The following PACS1 variants were observed in gnomAD, a reference collection of about 807,000 sequenced individuals.
PACS1 encodes phosphofurin acidic cluster sorting protein 1.
PACS1 carries 24 observed loss-of-function variants against 115.0 expected under a neutral mutation model. The observed-to-expected ratio is 0.21, with a 90% CI of 0.15 to 0.29. The LOEUF (loss-of-function observed/expected upper bound fraction) is 0.29, where lower values mean the gene tolerates loss of function less well. PACS1 is among the 10% of genes least tolerant of loss of function. PACS1 has a pLI of 1.00. For synonymous variants in PACS1, 453 were observed against 504.5 expected, an observed-to-expected ratio of 0.90 and a Z score of 1.37; for missense variants, 838 against 1,251.2, an observed-to-expected ratio of 0.67 and a Z score of 4.98.
chr11:66,214,137 A>G (rs2134705961), intron 4 of PACS1, among the ~76,000 whole-genome samples: 1 of 152,128 alleles, frequency 6.6e-6, no homozygotes. Flanking sequence ...CCTAACAGGA[A>G]GAAGAAAGCA....
intron 1 of PACS1, among the ~76,000 whole-genome samples, chr11:66,072,007 T>G (rs889472480): frequency 3.9e-5 from 6 of 152,216 alleles, no homozygotes; most frequent in Admixed American, 3.9e-4. Flanking sequence ...TCTCCCCTCT[T>G]CCTTCTACAA....
intron 1 of PACS1, among the ~76,000 whole-genome samples, chr11:66,178,766 T>C (rs562912603): frequency 6.6e-6 from 1 of 152,278 alleles, no homozygotes; most frequent in African/African-American, 2.4e-5. Context: ...AGTTCTCACA[T>C]CTCTTTCTGC....
Position 66,233,170 on chromosome 11 carries a change from C to A in PACS1, c.1838+104C>A. ...GATAGACCCTCCTGGCCTCATCAGACCAAGAATTTGCAGAGGGGCGTATGT... is the reference window on the plus strand; with the variant it reads ...GATAGACCCTCCTGGCCTCATCAGAACAAGAATTTGCAGAGGGGCGTATGT... On this transcript the variant is annotated intron_variant, in intron 15 of 23. Transcript: ENST00000320580. The surrounding 1 kb of genome is among the most constrained non-coding windows in gnomAD (Gnocchi z 4.5). 1 of 850,736 alleles carries A rather than the reference C, an allele frequency of 1.2e-6. No individual in the cohort carries two copies. 52.7% of individuals were successfully genotyped at this position (850,736 alleles called of 1,614,324 possible).
At chr11:66,091,149 T>C (rs1857652657) in intron 1 of PACS1, among the ~76,000 whole-genome samples, 1 of 152,184 alleles carries the variant, frequency 6.6e-6, no homozygotes, top group African/African-American at 2.4e-5. Context: ...TTGTTTTACT[T>C]ATTTATTTTT....
chr11:66,235,607 C>T lies in PACS1; in HGVS notation c.2207+204C>T. Reference sequence around the variant, plus strand: ...CCCACCCATAGGAGCCTGAGTTCATCAGTTTCCTTTCCTGCCCTTCAGTAT... The same window carrying T: ...CCCACCCATAGGAGCCTGAGTTCATTAGTTTCCTTTCCTGCCCTTCAGTAT... On this transcript the variant is annotated intron_variant, in intron 18 of 23. Coordinates refer to ENST00000320580, the MANE Select transcript of PACS1 (RefSeq NM_018026.4). This position sits in a 1 kb window ranked among gnomAD's most constrained non-coding sequence, Gnocchi z 5.6. 1.7e-6 allele frequency: 1 copy of T among 603,484 alleles called. No homozygotes were observed. The highest frequency in any genetic ancestry group is 2.0e-5 in the South Asian group (1 of 49,970). The allele number at this position is 603,484 out of a possible 1,614,324, so 37.4% of individuals were successfully genotyped here.
intron 2 of PACS1, among the ~76,000 whole-genome samples, chr11:66,199,773 A>G (rs930388122): frequency 2.0e-5 from 3 of 152,122 alleles, no homozygotes; most frequent in Admixed American, 1.3e-4. Flanking sequence ...TAATCCCAGC[A>G]CTTTGGGAGC....
At chr11:66,179,736 G>A (rs1450974223) in intron 1 of PACS1, among the ~76,000 whole-genome samples, 1 of 152,172 alleles carries the variant, frequency 6.6e-6, no homozygotes, top group Non-Finnish European at 1.5e-5. Context: ...GTATAAAGGG[G>A]CTTGAAATTA....
At chr11:66,140,140 G>A (rs1447310605) in intron 1 of PACS1, among the ~76,000 whole-genome samples, 3 of 152,152 alleles carry the variant, frequency 2.0e-5, no homozygotes, top group Non-Finnish European at 2.9e-5. Context: ...ACTCTAATGC[G>A]GGTAAGAATG....
intron 1 of PACS1, among the ~76,000 whole-genome samples, chr11:66,149,376 G>A (rs1255175271): frequency 2.6e-5 from 4 of 152,034 alleles, no homozygotes; most frequent in Admixed American, 2.6e-4. Flanking sequence ...ACAGGTGTGA[G>A]CCACCATCCC....
chr11:66,242,670 TG>T (rs1276400721), intron 22 of PACS1, among the ~76,000 whole-genome samples: 1 of 152,170 alleles, frequency 6.6e-6, no homozygotes, highest in Admixed American at 6.5e-5. Context: ...AGGTCTTCAC[TG>T]AACAGGCGAA....
At chr11:66,090,500 C>T (rs990544550) in intron 1 of PACS1, among the ~76,000 whole-genome samples, 1 of 152,048 alleles carries the variant, frequency 6.6e-6, no homozygotes, top group African/African-American at 2.4e-5. Context: ...AACTCCTGGA[C>T]TCAAGTGATC....
chr11:66,242,414 G>A (rs570009619), intron 22 of PACS1, among the ~76,000 whole-genome samples: 30 of 152,332 alleles, frequency 2.0e-4, no homozygotes, highest in African/African-American at 6.5e-4. Flanking sequence ...CAAAACCCAC[G>A]GCCTGCAGCA....
intron 1 of PACS1, among the ~76,000 whole-genome samples, chr11:66,105,790 A>G (rs533781226): frequency 3.3e-4 from 51 of 152,350 alleles, no homozygotes; most frequent in African/African-American, 1.2e-3. Flanking sequence ...AATAGGCTTT[A>G]TGGATAGATA....
At chr11:66,139,880 T>A (rs149345860) in intron 1 of PACS1, among the ~76,000 whole-genome samples, 1 of 152,310 alleles carries the variant, frequency 6.6e-6, no homozygotes, top group African/African-American at 2.4e-5. Context: ...ATGGGATTGC[T>A]GGATTGTAAG....
intron 1 of PACS1, among the ~76,000 whole-genome samples, chr11:66,153,605 C>T (rs564714343): frequency 6.6e-6 from 1 of 152,170 alleles, no homozygotes; most frequent in African/African-American, 2.4e-5. Context: ...CACGGTGAAA[C>T]CCCGTCTCTA....
chr11:66,126,340 G>A (rs1469673021), intron 1 of PACS1, among the ~76,000 whole-genome samples: 1 of 152,190 alleles, frequency 6.6e-6, no homozygotes, highest in Non-Finnish European at 1.5e-5. Context: ...ACACGCTTGT[G>A]TTAGTCACAA....
intron 1 of PACS1, among the ~76,000 whole-genome samples, chr11:66,151,660 CATCTT>C (rs1223288863): frequency 6.6e-6 from 1 of 152,200 alleles, no homozygotes; most frequent in African/African-American, 2.4e-5. Flanking sequence ...GTTGCTATAA[CATCTT>C]ATCTACAATG....
chr11:66,074,632 G>A (rs1194850735), intron 1 of PACS1, among the ~76,000 whole-genome samples: 1 of 152,196 alleles, frequency 6.6e-6, no homozygotes, highest in Non-Finnish European at 1.5e-5. Flanking sequence ...ATACCCTTAT[G>A]TGTATGTGAA....
At chr11:66,158,060 G>T (rs971102679) in intron 1 of PACS1, among the ~76,000 whole-genome samples, 1 of 152,088 alleles carries the variant, frequency 6.6e-6, no homozygotes. Context: ...TCCTTCCCCT[G>T]GACTCAAGTG....
Sources: gnomAD v4.1 joint callset for allele counts (sites outside exome capture counted in the v4.1 genomes callset) on GRCh38, gnomAD v4.1.1 for gene constraint, Gnocchi (gnomAD v3.1) non-coding constraint, MANE v1.5 for transcripts, NCBI Gene and HGNC (gene_info 2026-07-23, HGNC 2026-07-21) for gene names.